Variants in MAPT observed in about 807,000 individuals in gnomAD.
The protein encoded by MAPT is microtubule-associated protein tau.
MAPT carries 34 observed loss-of-function variants against 67.9 expected under a neutral mutation model. The ratio of observed to expected loss-of-function variants is 0.50; its 90% CI spans 0.38 to 0.67. MAPT has a LOEUF of 0.67. Among genes scored for constraint, MAPT ranks in the 30% least tolerant of loss-of-function variants. MAPT has a pLI of 0.00. For synonymous variants in MAPT, 456 were observed against 464.5 expected (o/e 0.98, Z 0.23); for missense variants, 881 against 1,115.2 (o/e 0.79, Z 2.99).
rs2063316004 is a variant in MAPT at position 45,897,263 on chromosome 17, C to G, written c.-18+2577C>G. The G allele has an allele frequency of 6.6e-6, 1 of 152,282 alleles. No individual in the cohort carries two copies. Among genetic ancestry groups the G allele is most frequent in the South Asian group, 2.1e-4 (1 of 4,836 alleles). 9.4% of individuals were successfully genotyped at this position (152,282 alleles called of 1,614,324 possible). ...AGCCCGCGGCCACGGCTACGTATTG[C>G]CATCTCGCGAGCAGAGATGTCACCT... On this transcript the variant is annotated intron_variant, in intron 1 of 12. Transcript: ENST00000262410. This position sits in a 1 kb window ranked among gnomAD's most constrained non-coding sequence, Gnocchi z 5.0.
At chr17:45,948,365 G>A (rs1168080647) in intron 1 of MAPT, among the ~76,000 whole-genome samples, 3 of 152,256 alleles carry the variant, frequency 2.0e-5, no homozygotes, top group African/African-American at 4.8e-5. Context: ...AGGGATTTCC[G>A]AGAGACTGTG....
chr17:46,022,897 T>C (rs182848876), intron 12 of MAPT, among the ~76,000 whole-genome samples: 7 of 152,074 alleles, frequency 4.6e-5, no homozygotes, highest in African/African-American at 1.7e-4. Context: ...GGTAGATGAT[T>C]GATAGATAGA....
At chr17:45,924,697 G>A (rs1003789937) in intron 1 of MAPT, among the ~76,000 whole-genome samples, 2 of 152,234 alleles carry the variant, frequency 1.3e-5, no homozygotes, top group Non-Finnish European at 2.9e-5. Flanking sequence ...ACTTGGAATA[G>A]TGGTGACAAC....
chr17:46,010,384 C>T lies in MAPT; in HGVS notation c.2073C>T (p.His691=), dbSNP rs147401702. ...GTGGCTCAAAGGATAATATCAAACA[C>T]GTCCCGGGAGGCGGCAGTGTGAGTA... ...SKCGSKDNIK[H]VPGGGSVQIV... The change falls in exon 10 of 13, where the codon CAC becomes CAT. Residue 691 remains histidine, a synonymous_variant. Transcript: ENST00000262410. The surrounding 1 kb of genome is among the most constrained non-coding windows in gnomAD (Gnocchi z 4.7). 1 of 1,577,866 alleles carries T rather than the reference C, an allele frequency of 6.3e-7. No homozygotes were observed. The highest frequency in any genetic ancestry group is 1.2e-5 in the South Asian group (1 of 85,904).
chr17:45,913,352 A>G (rs1392277690), intron 1 of MAPT, among the ~76,000 whole-genome samples: 1 of 152,228 alleles, frequency 6.6e-6, no homozygotes, highest in Non-Finnish European at 1.5e-5. Flanking sequence ...CCCATGATTC[A>G]GTTACTTCCC....
chr17:45,989,405 C>T (rs1050943787), intron 6 of MAPT, among the ~76,000 whole-genome samples: 7 of 152,174 alleles, frequency 4.6e-5, no homozygotes, highest in Non-Finnish European at 8.8e-5. Flanking sequence ...AATCCCAGCA[C>T]TTTGGGAGGC....
chr17:45,996,530 C>T lies in MAPT; in HGVS notation c.1864C>T (p.Arg622Cys), dbSNP rs2145832729. ...TREPKKVAVV[R>C]TPPKSPSSAK... Reference sequence around the variant, plus strand: ...GGAGCCCAAGAAGGTGGCAGTGGTCCGTACTCCACCCAAGTCGCCGTCTTC... The same window carrying T: ...GGAGCCCAAGAAGGTGGCAGTGGTCTGTACTCCACCCAAGTCGCCGTCTTC... Residue 622 changes from arginine to cysteine, a missense_variant, in exon 9 of 13, where the codon CGT (arginine) becomes TGT (cysteine). Physicochemically the swap from Arg to Cys is radical, Grantham distance 180. Transcript: ENST00000262410. The surrounding 1 kb of genome is among the most constrained non-coding windows in gnomAD (Gnocchi z 4.5). 4 of 1,613,638 alleles carry T rather than the reference C, an allele frequency of 2.5e-6. No individual in the cohort carries two copies. The highest frequency in any genetic ancestry group is 2.5e-6 in the Non-Finnish European group (3 of 1,179,864).
intron 1 of MAPT, among the ~76,000 whole-genome samples, chr17:45,941,741 T>TCCTTCCTGCCTTCCTTCCTGCCTG (rs2068011969): frequency 1.5e-5 from 2 of 129,532 alleles, no homozygotes; most frequent in Admixed American, 8.1e-5. Context: ...CTTCCTTCCT[T>TCCTTCCTGCCTTCCTTCCTGCCTG]CCTTCCTTCC....
At chr17:45,964,190 T>C (rs975540718) in intron 2 of MAPT, among the ~76,000 whole-genome samples, 7 of 151,922 alleles carry the variant, frequency 4.6e-5, no homozygotes, top group Admixed American at 3.9e-4. Context: ...TTTTCTCCTT[T>C]GTTTTGTTTT....
intron 1 of MAPT, among the ~76,000 whole-genome samples, chr17:45,936,417 A>G (rs114542499): frequency 1.7e-3 from 257 of 152,330 alleles, no homozygotes; most frequent in African/African-American, 6.0e-3. Flanking sequence ...ACATACATGC[A>G]CATGCGTGGG....
At chr17:45,923,327 G>C (rs908515728) in intron 1 of MAPT, among the ~76,000 whole-genome samples, 1 of 152,226 alleles carries the variant, frequency 6.6e-6, no homozygotes, top group African/African-American at 2.4e-5. Context: ...AGGGGATGCA[G>C]GGTCTGGATA....
chr17:45,947,972 A>G (rs1159226783), intron 1 of MAPT, among the ~76,000 whole-genome samples: 1 of 151,858 alleles, frequency 6.6e-6, no homozygotes, highest in Non-Finnish European at 1.5e-5. Context: ...ACCATAGTTA[A>G]CCATTTAATG....
intron 1 of MAPT, among the ~76,000 whole-genome samples, chr17:45,920,321 T>A (rs944814223): frequency 6.6e-6 from 1 of 152,210 alleles, no homozygotes; most frequent in Non-Finnish European, 1.5e-5. Flanking sequence ...ACAGCTAACA[T>A]GTTCCTGAGT....
At chr17:45,944,997 C>G (rs547069469) in intron 1 of MAPT, among the ~76,000 whole-genome samples, 1 of 152,218 alleles carries the variant, frequency 6.6e-6, no homozygotes, top group East Asian at 1.9e-4. Flanking sequence ...AGAGGTTCCT[C>G]AGCCTCTCTT....
Position 45,972,099 on chromosome 17 carries a change from T to G in MAPT, c.220+154T>G, listed in dbSNP as rs953816083. 3 of 713,148 alleles carry G rather than the reference T, an allele frequency of 4.2e-6. No homozygotes were observed. In the African/African-American group the frequency reaches 5.2e-5, roughly 12 times the overall value. 44.2% of individuals were successfully genotyped at this position (713,148 alleles called of 1,614,324 possible). A position where few individuals can be genotyped will look rare whatever the true frequency, so the allele number is the denominator to read the frequency against. ...GGACAGCGTGGTGGGAGCTGAGCCT[T>G]GCGTCGATGCCTTGCTTGCTGGTGC... On this transcript the variant is annotated intron_variant, in intron 3 of 12. Transcript: ENST00000262410.
At chr17:45,984,546 T>A (rs2073350756) in intron 5 of MAPT, among the ~76,000 whole-genome samples, 1 of 152,208 alleles carries the variant, frequency 6.6e-6, no homozygotes, top group Non-Finnish European at 1.5e-5. Flanking sequence ...ACACACAGCA[T>A]CCAGAGGTGG....
At chr17:45,993,418 G>A (rs1484322299) in intron 8 of MAPT, among the ~76,000 whole-genome samples, 1 of 151,600 alleles carries the variant, frequency 6.6e-6, no homozygotes, top group Non-Finnish European at 1.5e-5. Context: ...TCTGTTTTTT[G>A]TTGTTGTTTT....
chr17:45,978,079 G>A (rs944398286), intron 3 of MAPT: 1 of 450,764 alleles, frequency 2.2e-6, no homozygotes, highest in Non-Finnish European at 4.1e-6. Flanking sequence ...CAGCCTGTGT[G>A]TCCTTGTTGA....
At chr17:46,008,846 C>T (rs886581485) in intron 9 of MAPT, among the ~76,000 whole-genome samples, 8 of 152,146 alleles carry the variant, frequency 5.3e-5, no homozygotes, top group South Asian at 2.1e-4. Flanking sequence ...GGCCTGGGCA[C>T]GGCTGGTCCT....
Sources: allele counts gnomAD v4.1 joint callset (sites outside exome capture counted in the v4.1 genomes callset), GRCh38; gene constraint gnomAD v4.1.1; non-coding constraint Gnocchi (gnomAD v3.1); transcripts MANE v1.5; gene names NCBI Gene and HGNC (gene_info 2026-07-23, HGNC 2026-07-21).